The following DIAPH1 variants were observed in gnomAD, a reference collection of about 807,000 sequenced individuals.
DIAPH1 encodes diaphanous related formin 1, also known as protein diaphanous homolog 1.
Under a neutral mutation model 140.7 loss-of-function variants are expected in DIAPH1, and 46 were observed. That is an observed-to-expected ratio of 0.33 (90% CI 0.26 to 0.42). The LOEUF (loss-of-function observed/expected upper bound fraction) is 0.42, where lower values mean the gene tolerates loss of function less well. Ranked by LOEUF, DIAPH1 falls within the 10% of genes least tolerant of loss-of-function variation. DIAPH1 has a pLI of 1.00. For synonymous variants in DIAPH1, 565 were observed against 551.6 expected, an observed-to-expected ratio of 1.02 and a Z score of -0.34; for missense variants, 1,310 against 1,558.7, an observed-to-expected ratio of 0.84 and a Z score of 2.69.
chr5:141,528,954 A>C lies in DIAPH1; in HGVS notation c.2779-13T>G. ...GCACAGTGCCCATCTAGTAAAGAAC[A>C]CAAGCAGTTCCATTACAGTCAAAAG... is the stretch of plus-strand genomic sequence containing the variant. On this transcript the variant is annotated splice_polypyrimidine_tract_variant and intron_variant, in intron 21 of 27. Coordinates refer to ENST00000389054, the MANE Select transcript of DIAPH1 (RefSeq NM_005219.5). The C allele has an allele frequency of 4.3e-6, 7 of 1,613,730 alleles. No individual in the cohort carries two copies. The highest frequency in any genetic ancestry group is 5.1e-6 in the Non-Finnish European group (6 of 1,180,026).
chr5:141,529,794 C>G, intron 19 of DIAPH1, 97 bp from the exon 20 acceptor site: 1 of 1,089,284 alleles, frequency 9.2e-7, no homozygotes, highest in South Asian at 1.3e-5. Flanking sequence ...CCTAACAGGG[C>G]TCTTTTAGGC....
At chr5:141,558,049 A>C (rs2154595863) in intron 18 of DIAPH1, among the ~76,000 whole-genome samples, 1 of 152,280 alleles carries the variant, frequency 6.6e-6, no homozygotes, top group East Asian at 1.9e-4. Flanking sequence ...CTGGCGGCCA[A>C]GATAGGGAGT....
At chr5:141,517,169 A>C (rs2154594802) in intron 27 of DIAPH1, among the ~76,000 whole-genome samples, 161 bp from the exon 28 acceptor site, 1 of 152,344 alleles carries the variant, frequency 6.6e-6, no homozygotes, top group Non-Finnish European at 1.5e-5. Context: ...CAGCATGTGG[A>C]ATATATTGTT....
intron 2 of DIAPH1, among the ~76,000 whole-genome samples, chr5:141,587,891 C>T (rs1470527782): frequency 6.6e-6 from 1 of 152,192 alleles, no homozygotes; most frequent in Non-Finnish European, 1.5e-5. Flanking sequence ...CAACAAGAGT[C>T]ACCAATAAGC....
chr5:141,557,153 GATA>G (rs2099892732), intron 18 of DIAPH1, among the ~76,000 whole-genome samples: 1 of 152,082 alleles, frequency 6.6e-6, no homozygotes, highest in Non-Finnish European at 1.5e-5. Flanking sequence ...ACTATCATAA[GATA>G]ATTTGGGAAA....
intron 27 of DIAPH1, chr5:141,518,864 T>C (rs2154594832): frequency 1.5e-6 from 2 of 1,373,490 alleles, no homozygotes; most frequent in South Asian, 1.2e-5. Flanking sequence ...TGCAGAGCCA[T>C]GACCCAGAGC....
rs1459968692 is a variant in DIAPH1 at position 141,575,092 on chromosome 5, C to G, written c.1516G>C (p.Glu506Gln). The change falls in exon 15 of 28, where the codon GAA becomes CAA. Residue 506 changes from glutamate to glutamine, a missense_variant. Transcript: ENST00000389054. ...HELQVEMKKM[E>Q]SDFEQKLQDL... ...TGAAGCTTCTGCTCAAAGTCACTTT[C>G]CATCTTTTTCATTTCCACCTGTAGC... The G allele has an allele frequency of 1.9e-6, 3 of 1,614,098 alleles. No individual in the cohort carries two copies. The highest frequency in any genetic ancestry group is 2.5e-6 in the Non-Finnish European group (3 of 1,180,044).
At chr5:141,555,427 G>A (rs1464735414) in intron 18 of DIAPH1, among the ~76,000 whole-genome samples, 2 of 152,174 alleles carry the variant, frequency 1.3e-5, no homozygotes, top group Non-Finnish European at 2.9e-5. Flanking sequence ...GTCAAATGTA[G>A]AACCCATAGA....
At position 141,516,927 on chromosome 5, in the gene DIAPH1, G is replaced by A. The variant is rs770002473; in HGVS notation, c.3743C>T (p.Ala1248Val). 6.2e-7 allele frequency: 1 copy of A among 1,614,234 alleles called. No homozygotes were observed. ...TGTCTCACTGTTCTTGGACACCTTG[G>A]CAGGAACAGCAGCCATGGCATCATC... is the stretch of plus-strand genomic sequence containing the variant. ...TKDDAMAAVP[A>V]KVSKNSETFP... is the part of the protein sequence containing the mutation. The change falls in exon 28 of 28, where the codon GCC becomes GTC. Residue 1248 changes from alanine (A) to valine (V), a missense_variant. Coordinates refer to ENST00000389054, the MANE Select transcript of DIAPH1 (RefSeq NM_005219.5).
intron 6 of DIAPH1, 109 bp from the exon 7 acceptor site, chr5:141,582,484 G>C (rs749398624): frequency 1.8e-4 from 142 of 805,524 alleles, no homozygotes; most frequent in Non-Finnish European, 2.9e-4. Context: ...TAGCAGATGA[G>C]TAAATTTTAG....
intron 1 of DIAPH1, among the ~76,000 whole-genome samples, chr5:141,603,370 CATAA>C (rs1028489065): frequency 2.1e-4 from 32 of 152,264 alleles, no homozygotes; most frequent in Non-Finnish European, 3.1e-4. Flanking sequence ...GCTGAGAAAA[CATAA>C]ATAAATAATA....
Position 141,592,516 on chromosome 5 carries a change from AC to A in DIAPH1, c.118-4267del, listed in dbSNP as rs559251230. ...AACAACAACAACAACAACAACAACAACAACAAAAACACAGGAGTCCAGGGAG... is the reference window on the plus strand; with the variant it reads ...AACAACAACAACAACAACAACAACAAAACAAAAACACAGGAGTCCAGGGAG... On this transcript the variant is annotated intron_variant, in intron 1 of 27. Coordinates refer to ENST00000389054, the MANE Select transcript of DIAPH1 (RefSeq NM_005219.5). Among the ~76,000 whole-genome samples, 274 of 137,552 alleles carry A rather than the reference AC, an allele frequency of 2.0e-3. 1 individual carries two copies. Among genetic ancestry groups the A allele is most frequent in the African/African-American group, 7.7e-3 (262 of 34,166 alleles). The allele number at this position is 137,552 out of a possible 152,430, so 90.2% of individuals were successfully genotyped here. A position where few individuals can be genotyped will look rare whatever the true frequency, so the allele number is the denominator to read the frequency against.
At chr5:141,579,795 A>G (rs2099896474) in intron 8 of DIAPH1, among the ~76,000 whole-genome samples, 1 of 152,002 alleles carries the variant, frequency 6.6e-6, no homozygotes, top group South Asian at 2.1e-4. Flanking sequence ...TAAAAATACA[A>G]AAATTAGCCA....
At chr5:141,588,108 G>A (rs1181623260) in intron 2 of DIAPH1, 116 bp downstream of exon 2, 13 of 849,852 alleles carry the variant, frequency 1.5e-5, no homozygotes, top group Non-Finnish European at 2.6e-5. Context: ...TTGAGATACT[G>A]AGTAGAAGCC....
At chr5:141,536,476 T>G (rs2099889035) in intron 18 of DIAPH1, among the ~76,000 whole-genome samples, 1 of 152,180 alleles carries the variant, frequency 6.6e-6, no homozygotes, top group African/African-American at 2.4e-5. Context: ...CTTGCCTTCA[T>G]GGAACTTACG....
chr5:141,517,956 CATG>C lies in DIAPH1; in HGVS notation c.3662-951_3662-949del, dbSNP rs777458108. Among the ~76,000 whole-genome samples the C allele has an allele frequency of 9.2e-4, 140 of 152,328 alleles. 1 individual carries two copies. The highest frequency in any genetic ancestry group is 1.7e-3 in the Non-Finnish European group (113 of 68,022). ...CCACTCCTTGAGACCATGCCCATCT[CATG>C]ATGTTTCCTCCTCCCATGCCCCAGA... On this transcript the variant is annotated intron_variant, in intron 27 of 27. Transcript: ENST00000389054.
intron 1 of DIAPH1, among the ~76,000 whole-genome samples, chr5:141,591,801 C>G (rs2099898522): frequency 6.8e-6 from 1 of 146,888 alleles, no homozygotes; most frequent in Non-Finnish European, 1.5e-5. Context: ...AAAAAATTAT[C>G]TGCCAGGCAC....
At chr5:141,524,685 T>G in intron 26 of DIAPH1, 1 of 266,978 alleles carries the variant, frequency 3.7e-6, no homozygotes, top group Non-Finnish European at 7.4e-6. Context: ...CCTGAAGTAC[T>G]GCCTCCAGTG....
intron 1 of DIAPH1, among the ~76,000 whole-genome samples, chr5:141,615,889 C>T (rs1373983315): frequency 6.6e-6 from 1 of 152,188 alleles, no homozygotes; most frequent in Non-Finnish European, 1.5e-5. Context: ...CCTAACATCC[C>T]GGTTCTACTT....
Sources: allele counts gnomAD v4.1 joint callset (sites outside exome capture counted in the v4.1 genomes callset), GRCh38; gene constraint gnomAD v4.1.1; transcripts MANE v1.5; gene names NCBI Gene and HGNC (gene_info 2026-07-23, HGNC 2026-07-21).